SMCO4: variants seen among roughly 807,000 people sequenced by gnomAD.
SMCO4 encodes the protein single-pass membrane protein with coiled-coil domains 4, also known as single-pass membrane and coiled-coil domain-containing protein 4.
Under a neutral mutation model 3.6 loss-of-function variants are expected in SMCO4, and 4 were observed. The ratio of observed to expected loss-of-function variants is 1.11; its 90% confidence interval spans 0.54 to 2.53. The LOEUF (loss-of-function observed/expected upper bound fraction) is 2.53. SMCO4 is among the 30% of genes most tolerant of loss of function. The pLI is 0.02. For synonymous variants in SMCO4, 36 were observed against 35.3 expected (o/e 1.02, Z -0.07); for missense variants, 70 against 80.8 (o/e 0.87, Z 0.51).
At chr11:93,531,456 G>A (rs1183998163) in intron 1 of SMCO4, among the ~76,000 whole-genome samples, 1 of 152,122 alleles carries the variant, frequency 6.6e-6, no homozygotes, top group African/African-American at 2.4e-5. Flanking sequence ...TACACCATTG[G>A]CTCTCTGGGG....
chr11:93,502,325 C>T (rs1446649879), intron 1 of SMCO4, among the ~76,000 whole-genome samples: 1 of 152,058 alleles, frequency 6.6e-6, no homozygotes. Flanking sequence ...CCCAACAGCC[C>T]TCCCCCTACC....
At chr11:93,535,127 C>T (rs1028826589) in intron 1 of SMCO4, among the ~76,000 whole-genome samples, 10 of 152,216 alleles carry the variant, frequency 6.6e-5, no homozygotes, top group Admixed American at 2.6e-4. Context: ...TTAATACTTA[C>T]GGACCCTTGA....
At chr11:93,507,152 C>T (rs1012356769) in intron 1 of SMCO4, among the ~76,000 whole-genome samples, 10 of 152,174 alleles carry the variant, frequency 6.6e-5, no homozygotes, top group African/African-American at 2.2e-4. Context: ...CGCATGTAAT[C>T]CCAGCACTTT....
At chr11:93,533,395 C>A (rs1249300113) in intron 1 of SMCO4, among the ~76,000 whole-genome samples, 1 of 152,138 alleles carries the variant, frequency 6.6e-6, no homozygotes, top group Non-Finnish European at 1.5e-5. Context: ...TGCCTAACAC[C>A]ATGTCTCTTT....
At chr11:93,532,250 G>A (rs1489440479) in intron 1 of SMCO4, among the ~76,000 whole-genome samples, 4 of 152,190 alleles carry the variant, frequency 2.6e-5, no homozygotes, top group Admixed American at 2.0e-4. Flanking sequence ...ACACCGTAAT[G>A]GTTAATTTTA....
At chr11:93,515,658 T>C (rs1344939376) in intron 1 of SMCO4, among the ~76,000 whole-genome samples, 3 of 152,216 alleles carry the variant, frequency 2.0e-5, no homozygotes, top group Non-Finnish European at 4.4e-5. Flanking sequence ...CCAAGCCAGC[T>C]GCAGCAAGCC....
chr11:93,503,796 T>C (rs1288580225), intron 1 of SMCO4, among the ~76,000 whole-genome samples: 1 of 152,194 alleles, frequency 6.6e-6, no homozygotes, highest in Non-Finnish European at 1.5e-5. Context: ...GCCCATACCT[T>C]GATTTCAGAC....
intron 2 of SMCO4, among the ~76,000 whole-genome samples, chr11:93,496,554 G>C (rs1324806528): frequency 6.6e-6 from 1 of 151,976 alleles, no homozygotes; most frequent in Non-Finnish European, 1.5e-5. Flanking sequence ...AGAACACAGA[G>C]GAGTCCTGGG....
chr11:93,481,380 C>T (rs1049146057), intron 2 of SMCO4: 29 of 969,118 alleles, frequency 3.0e-5, no homozygotes, highest in African/African-American at 5.3e-5. Flanking sequence ...GGCCCAGGGA[C>T]GGGTGCACTG....
intron 1 of SMCO4, among the ~76,000 whole-genome samples, chr11:93,507,648 A>G (rs909447702): frequency 6.6e-6 from 1 of 152,268 alleles, no homozygotes; most frequent in African/African-American, 2.4e-5. Flanking sequence ...TTAATGTAAC[A>G]GCATTATGAA....
rs1948987548 is a variant in SMCO4 at position 93,514,400 on chromosome 11, ATATATAT to A, written c.-153-15059_-153-15053del. Among the ~76,000 whole-genome samples, 13 of 95,876 alleles carry A rather than the reference ATATATAT, an allele frequency of 1.4e-4. No individual in the cohort carries two copies. The East Asian group carries it at 7.0e-3, about 52-fold the overall frequency. The allele number at this position is 95,876 out of a possible 152,430, so 62.9% of individuals were successfully genotyped here. ...TATATATATATATATATATATATAT[ATATATAT>A]ATATATATATATATAAAATTTGGTC... On this transcript the variant is annotated intron_variant, in intron 1 of 2. Coordinates refer to ENST00000298966, the MANE Select transcript of SMCO4 (RefSeq NM_020179.3).
chr11:93,534,563 G>C (rs1385132545), intron 1 of SMCO4, among the ~76,000 whole-genome samples: 1 of 152,170 alleles, frequency 6.6e-6, no homozygotes, highest in Non-Finnish European at 1.5e-5. Context: ...GGGAAAAGCT[G>C]AGGCCCAGGG....
intron 1 of SMCO4, among the ~76,000 whole-genome samples, chr11:93,541,706 C>G (rs555649091): frequency 2.6e-5 from 4 of 152,224 alleles, no homozygotes; most frequent in Admixed American, 6.5e-5. Context: ...GAACAGTATT[C>G]ATGTTGTAAA....
intron 1 of SMCO4, among the ~76,000 whole-genome samples, chr11:93,513,513 G>C (rs961147207): frequency 1.3e-5 from 2 of 152,242 alleles, no homozygotes; most frequent in Admixed American, 1.3e-4. Flanking sequence ...CAATGGAAGA[G>C]AGGGCAATAG....
At chr11:93,505,664 C>T (rs932045011) in intron 1 of SMCO4, among the ~76,000 whole-genome samples, 1 of 152,058 alleles carries the variant, frequency 6.6e-6, no homozygotes, top group Non-Finnish European at 1.5e-5. Flanking sequence ...CAATATATAC[C>T]TTATACAACA....
intron 1 of SMCO4, among the ~76,000 whole-genome samples, chr11:93,518,885 C>A (rs2134618909): frequency 6.6e-6 from 1 of 152,304 alleles, no homozygotes; most frequent in African/African-American, 2.4e-5. Flanking sequence ...CAGGGGCGGC[C>A]TTCTGTGATC....
At chr11:93,513,970 C>G (rs1014852640) in intron 1 of SMCO4, among the ~76,000 whole-genome samples, 1 of 152,124 alleles carries the variant, frequency 6.6e-6, no homozygotes, top group East Asian at 1.9e-4. Context: ...CATCTGTTTC[C>G]TCTACTAACC....
At chr11:93,506,272 C>T (rs1948901239) in intron 1 of SMCO4, among the ~76,000 whole-genome samples, 1 of 152,174 alleles carries the variant, frequency 6.6e-6, no homozygotes, top group Non-Finnish European at 1.5e-5. Flanking sequence ...TGGCCCAAGA[C>T]CCTTTCTGGG....
At position 93,535,306 on chromosome 11, in the gene SMCO4, G is replaced by A. The variant is rs112870452; in HGVS notation, c.-154+7970C>T. Among the ~76,000 whole-genome samples the A allele has an allele frequency of 5.5e-3, 839 of 152,280 alleles. 3 individuals are homozygous for A. Among genetic ancestry groups the A allele is most frequent in the African/African-American group, 0.019 (799 of 41,542 alleles). On this transcript the variant is annotated intron_variant, in intron 1 of 2. Transcript: ENST00000298966. ...TGGCATGACGCTTACACCACCCTGAGCTGAGCCATGGTCCTTGAGGGTTTG... is the reference window on the plus strand; with the variant it reads ...TGGCATGACGCTTACACCACCCTGAACTGAGCCATGGTCCTTGAGGGTTTG...
Sources: allele counts gnomAD v4.1 joint callset (sites outside exome capture counted in the v4.1 genomes callset), GRCh38; gene constraint gnomAD v4.1.1; transcripts MANE v1.5; gene names NCBI Gene and HGNC (gene_info 2026-07-23, HGNC 2026-07-21).